ZFAT: variants seen among roughly 807,000 people sequenced by gnomAD.
The protein encoded by ZFAT is zinc finger and AT-hook domain containing.
A neutral mutation model predicts 117.7 loss-of-function variants in ZFAT; 64 were observed. The observed-to-expected ratio is 0.54, with a 90% CI of 0.44 to 0.67. ZFAT has a LOEUF of 0.67. Ranked by LOEUF, ZFAT falls within the 30% of genes least tolerant of loss-of-function variation. The pLI is 0.00. For missense variants in ZFAT, 1,433 were observed against 1,584.5 expected (o/e 0.90, Z 1.62); for synonymous variants, 679 against 615.0 (o/e 1.10, Z -1.54).
chr8:134,714,097 G>A (rs990043865), upstream of ZFAT, among the ~76,000 whole-genome samples: 8 of 135,702 alleles, frequency 5.9e-5, no homozygotes, highest in Admixed American at 7.8e-5. Flanking sequence ...TGTACATGCT[G>A]CAAAGACATG....
upstream of ZFAT, among the ~76,000 whole-genome samples, chr8:134,717,177 A>G (rs576078522): frequency 3.5e-4 from 54 of 152,318 alleles, no homozygotes; most frequent in African/African-American, 1.3e-3. Flanking sequence ...GGTCATTGTA[A>G]ACTGTGGCAG....
intron 2 of ZFAT, among the ~76,000 whole-genome samples, chr8:134,647,783 C>T (rs1830986636): frequency 6.6e-6 from 1 of 151,906 alleles, no homozygotes; most frequent in Admixed American, 6.6e-5. Context: ...AATACTTAGG[C>T]ATAAATATAA....
At chr8:134,787,182 G>A in the ZFAT span, among the ~76,000 whole-genome samples, 1 of 152,030 alleles carries the variant, frequency 6.6e-6, no homozygotes, top group Non-Finnish European at 1.5e-5. Flanking sequence ...TTTGCCAGGC[G>A]AGTGATAACC....
intron 2 of ZFAT, among the ~76,000 whole-genome samples, chr8:134,642,612 A>G (rs1830647498): frequency 1.3e-5 from 2 of 152,210 alleles, no homozygotes; most frequent in South Asian, 4.1e-4. Flanking sequence ...CTGACTCAAT[A>G]CGCATTTTTT....
intron 3 of ZFAT, among the ~76,000 whole-genome samples, chr8:134,635,974 G>A (rs1281927194): frequency 1.3e-5 from 2 of 152,140 alleles, no homozygotes; most frequent in Non-Finnish European, 2.9e-5. Context: ...TTATTTTCAT[G>A]AGCCCGTGCA....
the ZFAT span, among the ~76,000 whole-genome samples, chr8:134,763,267 T>A: frequency 0.29 from 44,192 of 152,124 alleles, 6,629 homozygotes; most frequent in South Asian, 0.34. Context: ...CATAATCTGC[T>A]TATCTCACTG....
intron 1 of ZFAT, among the ~76,000 whole-genome samples, chr8:134,706,302 A>C (rs961447525): frequency 6.6e-6 from 1 of 152,234 alleles, no homozygotes; most frequent in Non-Finnish European, 1.5e-5. Flanking sequence ...CAAACTACTG[A>C]ATCTCAGAAG....
the ZFAT span, among the ~76,000 whole-genome samples, chr8:134,822,183 G>C: frequency 7.7e-4 from 117 of 152,252 alleles, no homozygotes; most frequent in African/African-American, 2.7e-3. Context: ...TTAATATTAA[G>C]AGTTAGTGTT....
At chr8:134,783,525 CA>C in the ZFAT span, among the ~76,000 whole-genome samples, 1 of 152,224 alleles carries the variant, frequency 6.6e-6, no homozygotes, top group Non-Finnish European at 1.5e-5. Context: ...TTCCTGGTGC[CA>C]AAAAGGTTGG....
intron 2 of ZFAT, among the ~76,000 whole-genome samples, chr8:134,656,433 C>T (rs1300317183): frequency 6.6e-6 from 1 of 152,160 alleles, no homozygotes; most frequent in Non-Finnish European, 1.5e-5. Flanking sequence ...CTTATTCACC[C>T]ACCACTAGCT....
At chr8:134,613,536 A>G (rs1018873825) in intron 3 of ZFAT, among the ~76,000 whole-genome samples, 1 of 152,108 alleles carries the variant, frequency 6.6e-6, no homozygotes, top group African/African-American at 2.4e-5. Flanking sequence ...CACCATTCCT[A>G]CAGCTCCAAT....
chr8:134,798,003 T>C, the ZFAT span: 1 of 151,386 alleles, frequency 6.6e-6, no homozygotes, highest in East Asian at 1.9e-4. Context: ...AAAAAACACA[T>C]TAAAAAAAGT....
At chr8:134,695,120 G>A (rs915509653) in intron 1 of ZFAT, among the ~76,000 whole-genome samples, 1 of 152,152 alleles carries the variant, frequency 6.6e-6, no homozygotes, top group Admixed American at 6.5e-5. Flanking sequence ...GGCCAGAGGA[G>A]GACGAACTAA....
At chr8:134,769,186 C>G in the ZFAT span, among the ~76,000 whole-genome samples, 7 of 151,988 alleles carry the variant, frequency 4.6e-5, no homozygotes, top group Non-Finnish European at 7.4e-5. Flanking sequence ...CACCTCCACC[C>G]CCCAAAAAAG....
chr8:134,519,760 GACTTCTGTGGAA>G (rs1403164333), intron 13 of ZFAT, among the ~76,000 whole-genome samples: 1 of 152,140 alleles, frequency 6.6e-6, no homozygotes, highest in Non-Finnish European at 1.5e-5. Context: ...GTCTGCTTCT[GACTTCTGTGGAA>G]ACACTCTAGT....
intron 15 of ZFAT, among the ~76,000 whole-genome samples, chr8:134,505,047 G>A (rs75338349): frequency 0.024 from 3,631 of 152,234 alleles, 143 homozygotes; most frequent in African/African-American, 0.082. Flanking sequence ...ACTCTCGATC[G>A]GAACTGCCTG....
At chr8:134,657,880 C>G in intron 1 of ZFAT, 143 bp from the exon 2 acceptor site, 1 of 843,108 alleles carries the variant, frequency 1.2e-6, no homozygotes, top group South Asian at 1.8e-5. Flanking sequence ...CAGTCACCTC[C>G]ATGGCAGGCC....
chr8:134,683,934 A>G (rs1332107327), intron 1 of ZFAT, among the ~76,000 whole-genome samples: 4 of 152,186 alleles, frequency 2.6e-5, no homozygotes, highest in Non-Finnish European at 5.9e-5. Flanking sequence ...AAGAAAAAAA[A>G]GAAAAGAAAA....
chr8:134,508,442 C>T (rs1819577211), intron 15 of ZFAT, among the ~76,000 whole-genome samples: 1 of 152,210 alleles, frequency 6.6e-6, no homozygotes, highest in Non-Finnish European at 1.5e-5. Context: ...TTAACGTCTC[C>T]TTTTTGTTTT....
Sources: allele counts gnomAD v4.1 joint callset (sites outside exome capture counted in the v4.1 genomes callset), GRCh38; gene constraint gnomAD v4.1.1; transcripts MANE v1.5; gene names NCBI Gene and HGNC (gene_info 2026-07-23, HGNC 2026-07-21).